The following KCNQ3 variants were observed in gnomAD, a reference collection of about 807,000 sequenced individuals.
The protein encoded by KCNQ3 is potassium voltage-gated channel subfamily Q member 3.
KCNQ3 carries 30 observed loss-of-function variants against 92.5 expected under a neutral mutation model. The ratio of observed to expected loss-of-function variants is 0.32; its 90% CI spans 0.24 to 0.44. The LOEUF (loss-of-function observed/expected upper bound fraction) is 0.44. Ranked by LOEUF, KCNQ3 falls within the 20% of genes least tolerant of loss-of-function variation. The pLI, the probability that KCNQ3 is intolerant of heterozygous loss-of-function variation, is 1.00. For synonymous variants in KCNQ3, 450 were observed against 468.8 expected (o/e 0.96, Z 0.52); for missense variants, 913 against 1,140.3 (o/e 0.80, Z 2.87).
intron 1 of KCNQ3, among the ~76,000 whole-genome samples, chr8:132,274,777 G>A (rs976574195): frequency 6.6e-6 from 1 of 152,120 alleles, no homozygotes; most frequent in Non-Finnish European, 1.5e-5. Context: ...CTGGGAAGTG[G>A]GCAGCTATTA....
chr8:132,347,078 T>G (rs1473025596), intron 1 of KCNQ3, among the ~76,000 whole-genome samples: 1 of 152,218 alleles, frequency 6.6e-6, no homozygotes, highest in Non-Finnish European at 1.5e-5. Context: ...GTAGGATACC[T>G]GCCTGGCCCC....
Position 132,125,270 on chromosome 8 carries a change from C to T in KCNQ3, c.*3992G>A, listed in dbSNP as rs1329461923. 1.3e-5 allele frequency: 2 copies of T among 152,138 alleles called. No homozygotes were observed. The highest frequency in any genetic ancestry group is 4.8e-5 in the African/African-American group (2 of 41,428). 9.4% of individuals were successfully genotyped at this position (152,138 alleles called of 1,614,324 possible). ...TTGACTGGGCTGATTGGATCATTGC[C>T]ATTTTGATGTAGAACCTTTGCTCTC... On this transcript the variant is annotated 3_prime_UTR_variant, in exon 15 of 15. Coordinates refer to ENST00000388996, the MANE Select transcript of KCNQ3 (RefSeq NM_004519.4).
chr8:132,389,539 C>G (rs1819992814), intron 1 of KCNQ3, among the ~76,000 whole-genome samples: 1 of 152,144 alleles, frequency 6.6e-6, no homozygotes, highest in African/African-American at 2.4e-5. Flanking sequence ...ATTTGCTGCA[C>G]ATATAACTAA....
chr8:132,460,704 T>A (rs1822041925), intron 1 of KCNQ3, among the ~76,000 whole-genome samples: 1 of 152,216 alleles, frequency 6.6e-6, no homozygotes, highest in African/African-American at 2.4e-5. Flanking sequence ...ACCATCTGCA[T>A]CCCTTCCTGG....
At chr8:132,355,070 T>C (rs1368976514) in intron 1 of KCNQ3, among the ~76,000 whole-genome samples, 1 of 152,064 alleles carries the variant, frequency 6.6e-6, no homozygotes, top group East Asian at 1.9e-4. Flanking sequence ...AAGAGAGAAA[T>C]GTTCCTTGTT....
intron 13 of KCNQ3, 67 bp downstream of exon 13, chr8:132,134,223 T>G: frequency 2.6e-6 from 3 of 1,153,934 alleles, no homozygotes; most frequent in African/African-American, 1.5e-5. Context: ...CCAGCAGAGG[T>G]TTGGGGGTGG....
chr8:132,419,982 G>C (rs530263361), intron 1 of KCNQ3, among the ~76,000 whole-genome samples: 2 of 152,296 alleles, frequency 1.3e-5, no homozygotes, highest in African/African-American at 4.8e-5. Flanking sequence ...AAGTACCAGA[G>C]AGTGAGTAGC....
chr8:132,370,067 T>C (rs908716296), intron 1 of KCNQ3, among the ~76,000 whole-genome samples: 1 of 152,140 alleles, frequency 6.6e-6, no homozygotes, highest in Non-Finnish European at 1.5e-5. Flanking sequence ...GGCTGACTCT[T>C]ATATTGTGAC....
At chr8:132,466,742 G>A (rs1467188809) in intron 1 of KCNQ3, among the ~76,000 whole-genome samples, 2 of 152,116 alleles carry the variant, frequency 1.3e-5, no homozygotes, top group African/African-American at 4.8e-5. Flanking sequence ...AATTCGTTCT[G>A]GGAGGATAGA....
intron 1 of KCNQ3, among the ~76,000 whole-genome samples, chr8:132,246,300 C>T (rs565117407): frequency 6.6e-6 from 1 of 152,250 alleles, no homozygotes; most frequent in African/African-American, 2.4e-5. Context: ...TTCCAATAAA[C>T]CATTTCCCTA....
At chr8:132,215,523 T>C (rs1814000000) in intron 1 of KCNQ3, among the ~76,000 whole-genome samples, 1 of 152,210 alleles carries the variant, frequency 6.6e-6, no homozygotes, top group African/African-American at 2.4e-5. Flanking sequence ...CTTGGGCAGT[T>C]CTGTTTTGCC....
At chr8:132,464,292 T>C (rs1822124083) in intron 1 of KCNQ3, among the ~76,000 whole-genome samples, 1 of 152,214 alleles carries the variant, frequency 6.6e-6, no homozygotes. Flanking sequence ...TCAAGGTTAC[T>C]GGTTAAACAA....
chr8:132,277,999 C>T, intron 1 of KCNQ3: 1 of 985,376 alleles, frequency 1.0e-6, no homozygotes, highest in Non-Finnish European at 1.2e-6. Context: ...AGGGATCATC[C>T]TTCTGTGATA....
chr8:132,185,857 C>G (rs1826940171), intron 2 of KCNQ3, among the ~76,000 whole-genome samples: 1 of 152,010 alleles, frequency 6.6e-6, no homozygotes, highest in Non-Finnish European at 1.5e-5. Context: ...ACTTTATTTC[C>G]CCTTCTCTCT....
Position 132,126,416 on chromosome 8 carries a change from T to C in KCNQ3, c.*2846A>G, listed in dbSNP as rs1371019565. On this transcript the variant is annotated 3_prime_UTR_variant, in exon 15 of 15. Coordinates refer to ENST00000388996, the MANE Select transcript of KCNQ3 (RefSeq NM_004519.4). ...CCATATTGTTGAGATTGTCTGTGCA[T>C]AGGCAACTTGAGCAGGTTTGGTTTG... is the stretch of plus-strand genomic sequence containing the variant. 6.6e-6 allele frequency: 1 copy of C among 152,172 alleles called. No individual in the cohort carries two copies. Among genetic ancestry groups the C allele is most frequent in the Non-Finnish European group, 1.5e-5 (1 of 68,046 alleles). The allele number at this position is 152,172 out of a possible 1,614,324, so 9.4% of individuals were successfully genotyped here.
chr8:132,425,964 T>C (rs1346051262), intron 1 of KCNQ3, among the ~76,000 whole-genome samples: 1 of 152,212 alleles, frequency 6.6e-6, no homozygotes, highest in African/African-American at 2.4e-5. Flanking sequence ...AAAGGGAAAT[T>C]TTGAAGAAAA....
intron 1 of KCNQ3, among the ~76,000 whole-genome samples, chr8:132,243,798 C>G (rs1815069843): frequency 6.6e-6 from 1 of 152,232 alleles, no homozygotes; most frequent in East Asian, 1.9e-4. Context: ...CCCTTCCTTT[C>G]ACTGATGGAC....
At chr8:132,140,791 G>A (rs1055689461) in intron 10 of KCNQ3, 1 of 350,650 alleles carries the variant, frequency 2.9e-6, no homozygotes. Flanking sequence ...TCTCTAAATT[G>A]CTTTGCACCT....
intron 3 of KCNQ3, among the ~76,000 whole-genome samples, chr8:132,182,468 G>A (rs569253126): frequency 3.3e-5 from 5 of 152,362 alleles, no homozygotes; most frequent in Admixed American, 1.3e-4. Context: ...AGTAAGGACC[G>A]TGTGATGCTG....
Sources: allele counts gnomAD v4.1 joint callset (sites outside exome capture counted in the v4.1 genomes callset), GRCh38; gene constraint gnomAD v4.1.1; transcripts MANE v1.5; gene names NCBI Gene and HGNC (gene_info 2026-07-23, HGNC 2026-07-21).